Variants in AGAP3 observed in about 807,000 individuals in gnomAD.
AGAP3 encodes the protein arf-GAP with GTPase, ANK repeat and PH domain-containing protein 3.
In AGAP3, 24 loss-of-function variants were observed where a neutral mutation model predicts 96.9. The observed-to-expected ratio is 0.25, with a 90% CI of 0.18 to 0.35. The LOEUF (loss-of-function observed/expected upper bound fraction) is 0.35, where lower values mean the gene tolerates loss of function less well. Among genes scored for constraint, AGAP3 ranks in the 10% least tolerant of loss-of-function variants. AGAP3 has a pLI of 1.00. For missense variants in AGAP3, 876 were observed against 1,254.2 expected, an observed-to-expected ratio of 0.70 and a Z score of 4.55; for synonymous variants, 563 against 536.1, an observed-to-expected ratio of 1.05 and a Z score of -0.69.
At chr7:151,111,976 G>A (rs549224979) in intron 1 of AGAP3, among the ~76,000 whole-genome samples, 1 of 152,328 alleles carries the variant, frequency 6.6e-6, no homozygotes, top group South Asian at 2.1e-4. Context: ...GGGCCCAGTA[G>A]GTAGTGGCTG....
At chr7:151,116,980 C>CT in intron 2 of AGAP3, 115 bp from the exon 3 acceptor site, 7 of 1,474,224 alleles carry the variant, frequency 4.7e-6, no homozygotes, top group Non-Finnish European at 4.7e-6. Flanking sequence ...TCTGCCCTCT[C>CT]TCCTCCCCTT....
Position 151,142,350 on chromosome 7 carries a change from A to G in AGAP3, c.2051-62A>G. The G allele has an allele frequency of 6.3e-7, 1 of 1,592,016 alleles. No homozygotes were observed. Among genetic ancestry groups the G allele is most frequent in the Admixed American group, 1.7e-5 (1 of 59,694 alleles). The stretch of plus-strand genomic sequence containing the variant: ...GGAAGAGGGCAGGGAAGCCTTCCCT[A>G]GTTGTCCCGCGCTCTGGTGGCCTGC... On this transcript the variant is annotated intron_variant, in intron 15 of 17. Transcript: ENST00000397238. The surrounding 1 kb of genome is among the most constrained non-coding windows in gnomAD (Gnocchi z 7.5).
chr7:151,132,998 C>T (rs1005587056), intron 10 of AGAP3, among the ~76,000 whole-genome samples: 2 of 152,138 alleles, frequency 1.3e-5, no homozygotes, highest in East Asian at 1.9e-4. Context: ...ATGGCCAGTG[C>T]GGTAAAGGTG....
rs1799723051 is a variant in AGAP3, at chr7:151,118,807, C to T, written c.969+175C>T. ...AATTCCATTTAGCCGGCACCGTAGC[C>T]TTGGCCTCATCCCTGCCCCACGGTG... is the stretch of plus-strand genomic sequence containing the variant. On this transcript the variant is annotated intron_variant, in intron 7 of 17. Transcript: ENST00000397238. The surrounding 1 kb of genome is among the most constrained non-coding windows in gnomAD (Gnocchi z 6.1). Among the ~76,000 whole-genome samples the T allele has an allele frequency of 2.0e-5, 3 of 152,218 alleles. No individual in the cohort carries two copies. The highest frequency in any genetic ancestry group is 4.4e-5 in the Non-Finnish European group (3 of 68,046).
Position 151,118,097 on chromosome 7 carries a change from T to A in AGAP3, c.707-113T>A. On this transcript the variant is annotated intron_variant, in intron 5 of 17. Coordinates refer to ENST00000397238, the MANE Select transcript of AGAP3 (RefSeq NM_031946.7). The surrounding 1 kb of genome is among the most constrained non-coding windows in gnomAD (Gnocchi z 6.1). ...AGGCACCCGCGTTCTTGGTGCTCTGTGTGTTCCACTCACCAGGCCCTTTGC... is the reference window on the plus strand; with the variant it reads ...AGGCACCCGCGTTCTTGGTGCTCTGAGTGTTCCACTCACCAGGCCCTTTGC... 1 of 1,398,532 alleles carries A rather than the reference T, an allele frequency of 7.2e-7. No individual in the cohort carries two copies. Among genetic ancestry groups the A allele is most frequent in the Non-Finnish European group, 9.7e-7 (1 of 1,027,900 alleles). 86.6% of individuals were successfully genotyped at this position (1,398,532 alleles called of 1,614,324 possible). A position where few individuals can be genotyped will look rare whatever the true frequency, so the allele number is the denominator to read the frequency against.
chr7:151,118,248 A>G lies in AGAP3; in HGVS notation c.745A>G (p.Ser249Gly), dbSNP rs372502191. The change falls in exon 6 of 18, where the codon AGC becomes GGC. Residue 249 changes from serine (S) to glycine (G), a missense_variant. Around this residue, in one of 8 missense-constraint regions of AGAP3, gnomAD observed 131 missense variants for 304.5 expected, o/e 0.43. Transcript: ENST00000397238. The surrounding 1 kb of genome is among the most constrained non-coding windows in gnomAD (Gnocchi z 6.1). ...TGCGAATCCCCGGGTTATCGACGACAGCAGAGCCCGCAAGCTCTCCACAGA... is the reference window on the plus strand; with the variant it reads ...TGCGAATCCCCGGGTTATCGACGACGGCAGAGCCCGCAAGCTCTCCACAGA... ...SAANPRVIDD[S>G]RARKLSTDLK... The G allele has an allele frequency of 6.2e-7, 1 of 1,612,938 alleles. No individual in the cohort carries two copies. The highest frequency in any genetic ancestry group is 1.3e-5 in the African/African-American group (1 of 74,914).
At chr7:151,116,085 C>T (rs1799567800) in intron 1 of AGAP3, among the ~76,000 whole-genome samples, 2 of 152,280 alleles carry the variant, frequency 1.3e-5, no homozygotes, top group South Asian at 4.2e-4. Flanking sequence ...CTAGCCCGAG[C>T]ACCCATGTGG....
At chr7:151,102,649 G>A (rs1024564036) in intron 1 of AGAP3, among the ~76,000 whole-genome samples, 7 of 151,428 alleles carry the variant, frequency 4.6e-5, no homozygotes, top group African/African-American at 1.5e-4. Context: ...CTCGCTCTGT[G>A]GCTCAGGCTG....
chr7:151,122,910 A>G (rs1455649708), intron 8 of AGAP3: 1 of 1,490,502 alleles, frequency 6.7e-7, no homozygotes, highest in African/African-American at 1.4e-5. Flanking sequence ...CCAGAGACCC[A>G]CGGGAACCTT....
In AGAP3 at chr7:151,086,581, C is replaced by G. The variant is rs1033506921; in HGVS notation, c.-161C>G. On this transcript the variant is annotated 5_prime_UTR_variant, in exon 1 of 18. Coordinates refer to ENST00000397238, the MANE Select transcript of AGAP3 (RefSeq NM_031946.7). ...GGCGGCGCCTCCTGGCCTCGGCCTC[C>G]GGCCCCCGGCCCCCGGCTCCATGCG... is the stretch of plus-strand genomic sequence containing the variant. 6.8e-6 allele frequency among the ~76,000 whole-genome samples: 1 copy of G among 146,904 alleles called. No homozygotes were observed. Among genetic ancestry groups the G allele is most frequent in the Non-Finnish European group, 1.5e-5 (1 of 65,940 alleles).
In AGAP3 at chr7:151,138,150, C is replaced by G. The variant is rs750629570; in HGVS notation, c.1503C>G (p.Pro501=). Residue 501 remains proline, a synonymous_variant, in exon 12 of 18, where the codon CCC becomes CCG. Coordinates refer to ENST00000397238, the MANE Select transcript of AGAP3 (RefSeq NM_031946.7). ...GACCCTTCCCGCCCCCAGGTGCCCC[C>G]CACTCGGCCAGCAGCGCATCCCTGC... ...NTQLGGGTGA[P]HSASSASLHS... is the part of the protein sequence containing the mutation. 6.3e-7 allele frequency: 1 copy of G among 1,597,708 alleles called. No homozygotes were observed. Among genetic ancestry groups the G allele is most frequent in the Non-Finnish European group, 8.5e-7 (1 of 1,172,510 alleles).
chr7:151,102,957 C>T (rs539566509), intron 1 of AGAP3, among the ~76,000 whole-genome samples: 1 of 152,308 alleles, frequency 6.6e-6, no homozygotes, highest in Admixed American at 6.5e-5. Context: ...TGTTACACAC[C>T]TGTAGTCTCA....
chr7:151,099,393 A>C (rs1798748751), intron 1 of AGAP3, among the ~76,000 whole-genome samples: 1 of 147,860 alleles, frequency 6.8e-6, no homozygotes, highest in African/African-American at 2.5e-5. Flanking sequence ...TCACATAACA[A>C]ATACTTCTTT....
intron 1 of AGAP3, among the ~76,000 whole-genome samples, chr7:151,092,696 G>A (rs901296508): frequency 1.3e-5 from 2 of 152,156 alleles, no homozygotes; most frequent in African/African-American, 4.8e-5. Context: ...TTTCACAAGT[G>A]AGACAGCCTA....
chr7:151,123,312 C>T (rs949768343), intron 8 of AGAP3: 1 of 1,031,016 alleles, frequency 9.7e-7, no homozygotes, highest in African/African-American at 1.7e-5. Flanking sequence ...CCTCTTCTGG[C>T]CTCTCTCCTC....
At chr7:151,138,415 G>A in intron 12 of AGAP3, 102 bp downstream of exon 12, 4 of 1,367,262 alleles carry the variant, frequency 2.9e-6, no homozygotes, top group Non-Finnish European at 3.9e-6. Flanking sequence ...CAGTGGGACA[G>A]TGTCCAGGCC....
At position 151,086,864 on chromosome 7, in the gene AGAP3, C is replaced by G. The variant is rs1405804066; in HGVS notation, c.123C>G (p.Pro41=). 4.4e-6 allele frequency: 5 copies of G among 1,125,776 alleles called. No homozygotes were observed. In the East Asian group the frequency reaches 2.2e-4, roughly 49 times the overall value. 69.7% of individuals were successfully genotyped at this position (1,125,776 alleles called of 1,614,324 possible). ...VCGGQFGGAG[P]GAGGGGGPSQ... ...GCGGGCAGTTCGGCGGCGCGGGGCC[C>G]GGGGCCGGGGGCGGCGGCGGCCCCT... Residue 41 remains proline, a synonymous_variant, in exon 1 of 18, where the codon CCC becomes CCG. Transcript: ENST00000397238.
chr7:151,119,897 C>A, intron 7 of AGAP3, 90 bp from the exon 8 acceptor site: 1 of 1,316,096 alleles, frequency 7.6e-7, no homozygotes, highest in Non-Finnish European at 1.1e-6. Flanking sequence ...CCCGGCCAGG[C>A]CCCCATTAGC....
At chr7:151,120,252 C>A in intron 8 of AGAP3, 107 bp downstream of exon 8, 1 of 1,206,978 alleles carries the variant, frequency 8.3e-7, no homozygotes, top group Middle Eastern at 2.0e-4. Flanking sequence ...GTCAGGAAGA[C>A]GGTACCTGCA....
Sources: allele counts gnomAD v4.1 joint callset (sites outside exome capture counted in the v4.1 genomes callset), GRCh38; gene constraint gnomAD v4.1.1; regional missense constraint gnomAD v4.1.1; non-coding constraint Gnocchi (gnomAD v3.1); transcripts MANE v1.5; gene names NCBI Gene and HGNC (gene_info 2026-07-23, HGNC 2026-07-21).